DLGAP2: variants seen among roughly 807,000 people sequenced by gnomAD.
The protein encoded by DLGAP2 is DLG associated protein 2, also known as disks large-associated protein 2.
In DLGAP2, 26 loss-of-function variants were observed where a neutral mutation model predicts 100.3. That is an observed-to-expected ratio of 0.26 (90% CI 0.19 to 0.36). The LOEUF (loss-of-function observed/expected upper bound fraction) is 0.36, where lower values mean the gene tolerates loss of function less well. DLGAP2 is among the 10% of genes least tolerant of loss of function. The probability of loss-of-function intolerance (pLI) is 1.00; values close to 1 mark genes in which losing one functional copy is unlikely to be tolerated. For missense variants in DLGAP2, 1,858 were observed against 1,453.2 expected (o/e 1.28, Z -4.53); for synonymous variants, 886 against 630.1 (o/e 1.41, Z -6.08).
chr8:1,202,032 C>T (rs1168249554), intron 2 of DLGAP2, among the ~76,000 whole-genome samples: 1 of 146,370 alleles, frequency 6.8e-6, no homozygotes, highest in Admixed American at 6.9e-5. Flanking sequence ...TACATGTGTG[C>T]ACATGTGCAG....
intron 3 of DLGAP2, chr8:1,379,857 G>A (rs1472919737): frequency 3.5e-5 from 3 of 86,360 alleles, no homozygotes; most frequent in African/African-American, 1.1e-4. Context: ...CCTCCTGCTC[G>A]GTGGGGGCCT....
chr8:1,366,525 G>A (rs530289443), intron 3 of DLGAP2, among the ~76,000 whole-genome samples: 1 of 152,346 alleles, frequency 6.6e-6, no homozygotes, highest in East Asian at 1.9e-4. Flanking sequence ...CTTTGGGGAT[G>A]TTCAGCGGCT....
At chr8:1,049,317 T>A (rs1802606207) in intron 2 of DLGAP2, among the ~76,000 whole-genome samples, 1 of 152,090 alleles carries the variant, frequency 6.6e-6, no homozygotes, top group Non-Finnish European at 1.5e-5. Context: ...CTGTTCTACT[T>A]CTATAATTTT....
At chr8:1,241,126 G>A (rs530946533) in intron 2 of DLGAP2, among the ~76,000 whole-genome samples, 3 of 123,550 alleles carry the variant, frequency 2.4e-5, no homozygotes, top group South Asian at 3.2e-4. Context: ...CTCGCATGGC[G>A]CCGTGTCTAG....
intron 2 of DLGAP2, among the ~76,000 whole-genome samples, chr8:1,020,426 A>G (rs1448887662): frequency 6.6e-6 from 1 of 152,240 alleles, no homozygotes; most frequent in Non-Finnish European, 1.5e-5. Flanking sequence ...CCATGTAGTA[A>G]GGGCTGAGGC....
chr8:1,185,709 T>A (rs377693882), intron 2 of DLGAP2, among the ~76,000 whole-genome samples: 5 of 87,260 alleles, frequency 5.7e-5, no homozygotes, highest in South Asian at 3.6e-4. Context: ...ACACTCACAC[T>A]CACACACACA....
chr8:1,633,872 T>G (rs1797709588), intron 8 of DLGAP2, among the ~76,000 whole-genome samples: 1 of 152,194 alleles, frequency 6.6e-6, no homozygotes, highest in South Asian at 2.1e-4. Context: ...AAAGCTATGT[T>G]CATGATGAAT....
At chr8:1,252,903 C>G (rs1410943018) in intron 2 of DLGAP2, among the ~76,000 whole-genome samples, 1 of 152,220 alleles carries the variant, frequency 6.6e-6, no homozygotes, top group Non-Finnish European at 1.5e-5. Flanking sequence ...ACTGTCACAG[C>G]TGGAGGGAGG....
intron 6 of DLGAP2, among the ~76,000 whole-genome samples, chr8:1,598,124 T>C (rs4876099): frequency 0.42 from 64,217 of 152,114 alleles, 13,602 homozygotes; most frequent in Non-Finnish European, 0.43. Flanking sequence ...GAGATAATCA[T>C]GTGGTTTTTG....
chr8:1,424,233 C>G (rs4404941), intron 3 of DLGAP2, among the ~76,000 whole-genome samples: 128,087 of 152,250 alleles, frequency 0.84, 54,242 homozygotes, highest in East Asian at 1. Flanking sequence ...GTTTGGCATA[C>G]GTAAGAAAGT....
chr8:1,417,819 C>T (rs1360551822), intron 3 of DLGAP2, among the ~76,000 whole-genome samples: 1 of 151,780 alleles, frequency 6.6e-6, no homozygotes, highest in Non-Finnish European at 1.5e-5. Flanking sequence ...GCAGCTAATG[C>T]ATTTGAAGAA....
intron 1 of DLGAP2, among the ~76,000 whole-genome samples, chr8:851,284 G>C (rs2128987695): frequency 6.6e-6 from 1 of 152,350 alleles, no homozygotes; most frequent in Admixed American, 6.5e-5. Flanking sequence ...AGTACAGTCT[G>C]ATGTTCGCAC....
intron 2 of DLGAP2, among the ~76,000 whole-genome samples, chr8:1,197,419 G>C (rs1797775527): frequency 6.6e-6 from 1 of 152,194 alleles, no homozygotes; most frequent in Non-Finnish European, 1.5e-5. Context: ...CAAAGGCCCT[G>C]GATAGAAAAT....
At chr8:1,588,919 C>G (rs745666758) in intron 6 of DLGAP2, among the ~76,000 whole-genome samples, 5 of 152,128 alleles carry the variant, frequency 3.3e-5, no homozygotes, top group Non-Finnish European at 7.3e-5. Flanking sequence ...GTGACTTCAT[C>G]TCAAGTTTGG....
At chr8:1,339,216 T>C (rs73670773) in intron 3 of DLGAP2, among the ~76,000 whole-genome samples, 18,784 of 140,486 alleles carry the variant, frequency 0.13, 2,854 homozygotes, top group African/African-American at 0.39. Flanking sequence ...GTGACCTCAG[T>C]GAGGCGTCAG....
At chr8:882,723 T>C (rs374088641) in intron 1 of DLGAP2, among the ~76,000 whole-genome samples, 1,059 of 89,142 alleles carry the variant, frequency 0.012, 3 homozygotes, top group Middle Eastern at 0.044. Flanking sequence ...CGGAGGCCTC[T>C]CCTGCGCGCA....
intron 7 of DLGAP2, among the ~76,000 whole-genome samples, chr8:1,632,009 G>A (rs964308203): frequency 6.6e-6 from 1 of 152,024 alleles, no homozygotes. Flanking sequence ...AGCTGTTGGT[G>A]CTTTGAGCTG....
At chr8:782,811 C>G (rs1314640047) in intron 1 of DLGAP2, among the ~76,000 whole-genome samples, 1 of 152,206 alleles carries the variant, frequency 6.6e-6, no homozygotes, top group Non-Finnish European at 1.5e-5. Flanking sequence ...AGAAATACCA[C>G]TCACTGAGAC....
chr8:1,569,582 C>T (rs940452461), intron 6 of DLGAP2, among the ~76,000 whole-genome samples: 1 of 152,226 alleles, frequency 6.6e-6, no homozygotes, highest in Non-Finnish European at 1.5e-5. Flanking sequence ...TATTCCTTCA[C>T]GTTTTATGGA....
Sources: allele counts gnomAD v4.1 joint callset (sites outside exome capture counted in the v4.1 genomes callset), GRCh38; gene constraint gnomAD v4.1.1; transcripts MANE v1.5; gene names NCBI Gene and HGNC (gene_info 2026-07-23, HGNC 2026-07-21).